Variants in UAP1 observed in about 807,000 individuals in gnomAD.
UAP1 encodes UDP-N-acetylglucosamine pyrophosphorylase 1.
Under a neutral mutation model 58.5 loss-of-function variants are expected in UAP1, and 25 were observed. The observed-to-expected ratio is 0.43, with a 90% CI of 0.31 to 0.60. UAP1 has a LOEUF of 0.60. Among genes scored for constraint, UAP1 ranks in the 20% least tolerant of loss-of-function variants. The pLI, the probability that UAP1 is intolerant of heterozygous loss-of-function variation, is 0.11. For synonymous variants in UAP1, 208 were observed against 213.0 expected (o/e 0.98, Z 0.21); for missense variants, 575 against 630.0 (o/e 0.91, Z 0.93).
intron 5 of UAP1, among the ~76,000 whole-genome samples, chr1:162,581,889 A>T (rs1411663940): frequency 6.6e-6 from 1 of 152,206 alleles, no homozygotes; most frequent in Admixed American, 6.5e-5. Flanking sequence ...TTCGAATAAG[A>T]TAGAAATATG....
intron 4 of UAP1, among the ~76,000 whole-genome samples, chr1:162,580,412 C>G (rs979507195): frequency 6.6e-6 from 1 of 152,202 alleles, no homozygotes; most frequent in Non-Finnish European, 1.5e-5. Context: ...CTGCTTTGCA[C>G]AATTCCAGGT....
exon 6 of UAP1, chr1:162,587,494 C>G: frequency 1.2e-6 from 2 of 1,613,366 alleles, no homozygotes; most frequent in Non-Finnish European, 1.7e-6. Flanking sequence ...AAAACGAACC[C>G]TACAGAACCA....
At chr1:162,566,567 C>T (rs984746416) in intron 2 of UAP1, among the ~76,000 whole-genome samples, 1 of 152,058 alleles carries the variant, frequency 6.6e-6, no homozygotes, top group East Asian at 1.9e-4. Context: ...CCTCAATTTC[C>T]ATACTTCTGC....
intron 10 of UAP1, 77 bp downstream of exon 10, chr1:162,597,935 A>G: frequency 7.6e-7 from 1 of 1,308,494 alleles, no homozygotes; most frequent in Non-Finnish European, 1.1e-6. Context: ...GTGGATTTTA[A>G]ATGTTCTCAC....
chr1:162,577,473 G>A (rs1654273690), intron 3 of UAP1, among the ~76,000 whole-genome samples: 1 of 121,182 alleles, frequency 8.3e-6, no homozygotes, highest in Admixed American at 9.3e-5. Flanking sequence ...TTTTGAGACA[G>A]GGTCTGTCTC....
exon 11 of UAP1, chr1:162,599,602 A>G: frequency 3.1e-6 from 1 of 324,562 alleles, no homozygotes; most frequent in Non-Finnish European, 5.6e-6. Flanking sequence ...TTCCAAGCCA[A>G]GGAGACCATT....
At chr1:162,593,419 A>G (rs1420804637) in intron 9 of UAP1, 1 of 152,192 alleles carries the variant, frequency 6.6e-6, no homozygotes, top group Non-Finnish European at 1.5e-5. Context: ...TTATAGTTTA[A>G]GAGACAGCTT....
chr1:162,596,915 G>A (rs1024155261), intron 9 of UAP1, among the ~76,000 whole-genome samples: 2 of 152,168 alleles, frequency 1.3e-5, no homozygotes, highest in Admixed American at 6.5e-5. Flanking sequence ...ATTGACTTTT[G>A]TGTTAGATAA....
At chr1:162,591,830 G>C (rs1655330140) in intron 8 of UAP1, among the ~76,000 whole-genome samples, 1 of 151,648 alleles carries the variant, frequency 6.6e-6, no homozygotes, top group Non-Finnish European at 1.5e-5. Context: ...TGTCACCCAG[G>C]CTGGAGTGCA....
chr1:162,581,410 C>T (rs1411358087), exon 5 of UAP1: 1 of 1,613,880 alleles, frequency 6.2e-7, no homozygotes, highest in Non-Finnish European at 8.5e-7. Context: ...GTGGCAGACC[C>T]ACGGTTCATT....
intron 9 of UAP1, 73 bp from the exon 10 acceptor site, chr1:162,597,719 A>G: frequency 1.6e-6 from 2 of 1,255,082 alleles, no homozygotes; most frequent in East Asian, 2.3e-5. Context: ...GAGGAAAGTT[A>G]TGGTTTGTAC....
chr1:162,567,405 GC>G (rs1388831702), intron 2 of UAP1, among the ~76,000 whole-genome samples: 1 of 152,160 alleles, frequency 6.6e-6, no homozygotes, highest in Non-Finnish European at 1.5e-5. Flanking sequence ...TTGTTGAATT[GC>G]CCCAATGCTT....
chr1:162,567,813 T>C (rs185104834), intron 2 of UAP1, among the ~76,000 whole-genome samples: 1 of 152,352 alleles, frequency 6.6e-6, no homozygotes, highest in Admixed American at 6.5e-5. Flanking sequence ...TTGTGGTTTT[T>C]TTTGAGACAG....
chr1:162,571,530 A>T (rs987883726), intron 2 of UAP1, among the ~76,000 whole-genome samples: 1 of 152,194 alleles, frequency 6.6e-6, no homozygotes, highest in Non-Finnish European at 1.5e-5. Flanking sequence ...AAAGGGTGAT[A>T]CAGTGTTGAA....
At chr1:162,577,225 A>G (rs1654244507) in intron 3 of UAP1, among the ~76,000 whole-genome samples, 1 of 151,908 alleles carries the variant, frequency 6.6e-6, no homozygotes, top group African/African-American at 2.4e-5. Context: ...ACCTTAAAGT[A>G]CTCAGTGAGC....
Position 162,586,131 on chromosome 1 carries a change from T to C in UAP1, c.835-1344T>C, listed in dbSNP as rs116658892. ...TAAATGAAGTTCTCAATAGTGGCTT[T>C]AGTTTTCTGGATGAGACTGTTACTG... On this transcript the variant is annotated intron_variant, in intron 5 of 10. Transcript: ENST00000271469. Among the ~76,000 whole-genome samples, 343 of 152,338 alleles carry C rather than the reference T, an allele frequency of 2.3e-3. 2 individuals are homozygous for C. Among genetic ancestry groups the C allele is most frequent in the African/African-American group, 8.0e-3 (332 of 41,582 alleles).
chr1:162,600,067 A>G (rs1655844271), downstream of UAP1, among the ~76,000 whole-genome samples: 6 of 152,128 alleles, frequency 3.9e-5, no homozygotes, highest in Admixed American at 1.3e-4. Context: ...CAATGTCTGG[A>G]GATATTTTTG....
chr1:162,581,355 A>G (rs1654574156), exon 5 of UAP1: 4 of 1,614,130 alleles, frequency 2.5e-6, no homozygotes, highest in Non-Finnish European at 3.4e-6. Flanking sequence ...GCAAAGAGGC[A>G]TTTGGAGCAT....
chr1:162,583,594 A>G (rs1408224515), intron 5 of UAP1, among the ~76,000 whole-genome samples: 1 of 152,166 alleles, frequency 6.6e-6, no homozygotes, highest in East Asian at 1.9e-4. Flanking sequence ...TTGATCTCAG[A>G]AATGAGAATC....
Sources: gnomAD v4.1 joint callset for allele counts (sites outside exome capture counted in the v4.1 genomes callset) on GRCh38, gnomAD v4.1.1 for gene constraint, MANE v1.5 for transcripts, NCBI Gene and HGNC (gene_info 2026-07-23, HGNC 2026-07-21) for gene names.